ERBB4: variants seen among roughly 807,000 people sequenced by gnomAD.
ERBB4 encodes erb-b2 receptor tyrosine kinase 4.
ERBB4 carries 42 observed loss-of-function variants against 158.0 expected under a neutral mutation model. The observed-to-expected ratio is 0.27, with a 90% CI of 0.21 to 0.34. The LOEUF (loss-of-function observed/expected upper bound fraction) is 0.34, where lower values mean the gene tolerates loss of function less well. ERBB4 is among the 10% of genes least tolerant of loss of function. The probability of loss-of-function intolerance (pLI) is 1.00; values close to 1 mark genes in which losing one functional copy is unlikely to be tolerated. For synonymous variants in ERBB4, 583 were observed against 558.7 expected (o/e 1.04, Z -0.61); for missense variants, 1,333 against 1,624.1 (o/e 0.82, Z 3.08).
chr2:212,148,113 C>G (rs1378541905), intron 1 of ERBB4, among the ~76,000 whole-genome samples: 1 of 150,394 alleles, frequency 6.6e-6, no homozygotes. Flanking sequence ...CATTCATCAC[C>G]AGGGGGCAGC....
chr2:212,132,738 G>A (rs2080144145), intron 1 of ERBB4, among the ~76,000 whole-genome samples: 2 of 152,060 alleles, frequency 1.3e-5, no homozygotes, highest in Admixed American at 6.6e-5. Flanking sequence ...ATAATTGTGT[G>A]AGCCAAGACT....
chr2:211,914,078 G>T (rs1471858425), intron 3 of ERBB4, among the ~76,000 whole-genome samples: 1 of 149,760 alleles, frequency 6.7e-6, no homozygotes, highest in Non-Finnish European at 1.5e-5. Context: ...CAAGGAGTCT[G>T]GGCAGGCCAA....
At position 211,378,155 on chromosome 2, in the gene ERBB4, T is replaced by G; in HGVS notation, c.*5460A>C. ...ATGGGCAAAAAAGGGAAGGATTCTA[T>G]TTTCCTCTAAAGGTCAGAGAGAAAT... On this transcript the variant is annotated 3_prime_UTR_variant, in exon 28 of 28. Transcript: ENST00000342788. 1 of 233,072 alleles carries G rather than the reference T, an allele frequency of 4.3e-6. No individual in the cohort carries two copies. Among genetic ancestry groups the G allele is most frequent in the Non-Finnish European group, 8.5e-6 (1 of 117,672 alleles). 14.4% of individuals were successfully genotyped at this position (233,072 alleles called of 1,614,324 possible). A position where few individuals can be genotyped will look rare whatever the true frequency, so the allele number is the denominator to read the frequency against.
chr2:211,773,621 TATATATATATATATATATATATATATAA>T (rs1370006978), intron 4 of ERBB4, among the ~76,000 whole-genome samples: 5 of 63,020 alleles, frequency 7.9e-5, no homozygotes, highest in South Asian at 4.3e-4. Context: ...TATATATATA[TATATATATATATATATATATATATATAA>T]TATATATACA....
At chr2:211,421,077 G>C (rs1316011739) in intron 24 of ERBB4, among the ~76,000 whole-genome samples, 3 of 152,032 alleles carry the variant, frequency 2.0e-5, no homozygotes, top group East Asian at 3.9e-4. Context: ...CAAAGTAGGG[G>C]CATTCAAAAC....
chr2:212,488,326 TC>T (rs1690092114), intron 1 of ERBB4, among the ~76,000 whole-genome samples: 4 of 116,260 alleles, frequency 3.4e-5, no homozygotes, highest in African/African-American at 8.1e-5. Context: ...CTCCTCTCTC[TC>T]TCTCTCTCTC....
intron 19 of ERBB4, among the ~76,000 whole-genome samples, chr2:211,615,448 C>T (rs2069350033): frequency 2.0e-5 from 3 of 151,824 alleles, no homozygotes; most frequent in Admixed American, 2.0e-4. Context: ...TGAAGGTGCG[C>T]CTTTAGAGTC....
intron 5 of ERBB4, among the ~76,000 whole-genome samples, chr2:211,727,629 C>T (rs1003941962): frequency 6.6e-6 from 1 of 151,930 alleles, no homozygotes; most frequent in Non-Finnish European, 1.5e-5. Context: ...GATTTAAATG[C>T]TCCTTAAATT....
intron 13 of ERBB4, 71 bp from the exon 14 acceptor site, chr2:211,673,328 G>T: frequency 9.4e-7 from 1 of 1,068,498 alleles, no homozygotes; most frequent in Non-Finnish European, 1.5e-6. Flanking sequence ...AGTAACATCT[G>T]CTAAAAGTCC....
intron 2 of ERBB4, among the ~76,000 whole-genome samples, chr2:212,030,299 G>A (rs149030594): frequency 3.5e-4 from 53 of 152,042 alleles, no homozygotes; most frequent in African/African-American, 9.6e-4. Context: ...TGCACCAGCC[G>A]TCTAACTAGC....
chr2:211,557,143 A>C (rs1574743179), intron 20 of ERBB4, among the ~76,000 whole-genome samples: 1 of 152,302 alleles, frequency 6.6e-6, no homozygotes, highest in East Asian at 1.9e-4. Flanking sequence ...GCATTGTAAA[A>C]CCCAAAACTA....
chr2:211,843,766 A>G (rs2077529734), intron 3 of ERBB4, among the ~76,000 whole-genome samples: 2 of 152,028 alleles, frequency 1.3e-5, no homozygotes, highest in Non-Finnish European at 1.5e-5. Flanking sequence ...GCTCTGTATA[A>G]ATATCATAAA....
intron 3 of ERBB4, among the ~76,000 whole-genome samples, chr2:211,884,908 A>G (rs1006880363): frequency 6.6e-6 from 1 of 152,194 alleles, no homozygotes; most frequent in Non-Finnish European, 1.5e-5. Context: ...AGAGTCAACA[A>G]TAGTATTACT....
At chr2:212,362,728 T>C (rs1035746471) in intron 1 of ERBB4, among the ~76,000 whole-genome samples, 5 of 151,216 alleles carry the variant, frequency 3.3e-5, no homozygotes, top group African/African-American at 1.2e-4. Flanking sequence ...AATAGAAATA[T>C]TGAATAAAAT....
chr2:211,801,643 A>G (rs1476921326), intron 3 of ERBB4, among the ~76,000 whole-genome samples: 1 of 152,192 alleles, frequency 6.6e-6, no homozygotes, highest in Non-Finnish European at 1.5e-5. Context: ...TATCTTTAAA[A>G]GTAGAAAGTT....
intron 1 of ERBB4, among the ~76,000 whole-genome samples, chr2:212,207,791 G>A (rs1024391710): frequency 6.6e-6 from 1 of 152,012 alleles, no homozygotes; most frequent in Non-Finnish European, 1.5e-5. Context: ...AATTTTACCT[G>A]CTTTATAGTA....
intron 20 of ERBB4, among the ~76,000 whole-genome samples, chr2:211,550,214 A>G (rs2067049419): frequency 6.6e-6 from 1 of 152,030 alleles, no homozygotes; most frequent in Non-Finnish European, 1.5e-5. Flanking sequence ...TTTCAAATAT[A>G]CAACACATCA....
intron 20 of ERBB4, among the ~76,000 whole-genome samples, chr2:211,455,022 C>A (rs539684794): frequency 6.6e-6 from 1 of 152,188 alleles, no homozygotes; most frequent in African/African-American, 2.4e-5. Context: ...CTGAATGTAT[C>A]AGTCTTTTGC....
chr2:212,126,663 A>ATATATCTTATG (rs2079940010), intron 1 of ERBB4, among the ~76,000 whole-genome samples: 1 of 152,098 alleles, frequency 6.6e-6, no homozygotes, highest in Non-Finnish European at 1.5e-5. Flanking sequence ...GTTACATAAG[A>ATATATCTTATG]TATACTGAAT....
Sources: gnomAD v4.1 joint callset for allele counts (sites outside exome capture counted in the v4.1 genomes callset) on GRCh38, gnomAD v4.1.1 for gene constraint, MANE v1.5 for transcripts, NCBI Gene and HGNC (gene_info 2026-07-23, HGNC 2026-07-21) for gene names.